The following ZNF226 variants were observed in gnomAD, a reference collection of about 807,000 sequenced individuals.
The protein encoded by ZNF226 is Kruppel-associated box protein.
Under a neutral mutation model 11.4 loss-of-function variants are expected in ZNF226, and 6 were observed. That is an observed-to-expected ratio of 0.53 (90% CI 0.29 to 1.04). The LOEUF (loss-of-function observed/expected upper bound fraction) is 1.04. Ranked by LOEUF, ZNF226 falls within the 50% of genes least tolerant of loss-of-function variation. The probability of loss-of-function intolerance (pLI) is 0.08; values close to 1 mark genes in which losing one functional copy is unlikely to be tolerated. For synonymous variants in ZNF226, 350 were observed against 322.8 expected (o/e 1.08, Z -0.90); for missense variants, 1,058 against 956.5 (o/e 1.11, Z -1.40).
the ZNF226 span, among the ~76,000 whole-genome samples, chr19:44,194,275 G>C: frequency 6.6e-6 from 1 of 152,056 alleles, no homozygotes; most frequent in Admixed American, 6.6e-5. Flanking sequence ...TTCTTATTTT[G>C]TTGTTACTGT....
At chr19:44,170,156 C>T (rs984693291) in intron 3 of ZNF226, 61 bp downstream of exon 3, 7 of 1,564,424 alleles carry the variant, frequency 4.5e-6, no homozygotes, top group East Asian at 2.3e-5. Context: ...AGAGATGGAA[C>T]CAGGTTTTTC....
the ZNF226 span, among the ~76,000 whole-genome samples, chr19:44,192,600 T>C: frequency 6.6e-6 from 1 of 152,152 alleles, no homozygotes; most frequent in Non-Finnish European, 1.5e-5. Context: ...TGCAATGAGA[T>C]ACAGCAAAGT....
Position 44,176,035 on chromosome 19 carries a change from A to G in ZNF226, c.773A>G (p.Lys258Arg), listed in dbSNP as rs1367805767. The change falls in exon 6 of 6, where the codon AAA becomes AGA. Residue 258 changes from lysine to arginine, a missense_variant. Physicochemically the swap from Lys to Arg is conservative, Grantham distance 26. Transcript: ENST00000337433. ...AAATCGTACCAGTGTAATGAGTGTA[A>G]AAAACCCTTCAGTGATCTCTCCAGC... ...GQKSYQCNECKKPFSDLSSFD... is the reference protein window; with the variant it reads ...GQKSYQCNECRKPFSDLSSFD... 5 of 1,614,034 alleles carry G rather than the reference A, an allele frequency of 3.1e-6. No individual in the cohort carries two copies. Among genetic ancestry groups the G allele is most frequent in the Non-Finnish European group, 3.4e-6 (4 of 1,179,936 alleles).
chr19:44,177,665 T>C lies in ZNF226; in HGVS notation c.2403T>C (p.Ser801=), dbSNP rs377604527. ...GAGAATCCACACAGGAAAAAAAATCTATAAAATGATTCTTTGTGAAGACTC... is the reference window on the plus strand; with the variant it reads ...GAGAATCCACACAGGAAAAAAAATCCATAAAATGATTCTTTGTGAAGACTC... The part of the protein sequence containing the change: ...NIRESTQEKK[S]IK Residue 801 remains serine (S), a synonymous_variant, in exon 6 of 6, where the codon TCT becomes TCC. Coordinates refer to ENST00000337433, the MANE Select transcript of ZNF226 (RefSeq NM_001032373.2). The C allele has an allele frequency of 3.8e-6, 6 of 1,578,472 alleles. No homozygotes were observed. The highest frequency in any genetic ancestry group is 5.2e-6 in the Non-Finnish European group (6 of 1,164,278).
intron 2 of ZNF226, among the ~76,000 whole-genome samples, chr19:44,167,182 T>A (rs1010470129): frequency 3.3e-5 from 5 of 152,200 alleles, no homozygotes; most frequent in African/African-American, 1.2e-4. Context: ...TCTTTTGTAC[T>A]GGAGGCCTTC....
chr19:44,180,793 C>T (rs1233078639), downstream of ZNF226, among the ~76,000 whole-genome samples: 1 of 152,026 alleles, frequency 6.6e-6, no homozygotes, highest in Non-Finnish European at 1.5e-5. Flanking sequence ...TAAAAAAGAC[C>T]CCAGGTAGAG....
At chr19:44,173,129 T>C in intron 5 of ZNF226, 177 bp downstream of exon 5, 1 of 602,828 alleles carries the variant, frequency 1.7e-6, no homozygotes, top group East Asian at 2.9e-5. Flanking sequence ...GTTCTTTAAG[T>C]GGCAAAGTGA....
chr19:44,167,313 A>AC (rs1279665474), intron 2 of ZNF226, among the ~76,000 whole-genome samples: 1 of 112,628 alleles, frequency 8.9e-6, no homozygotes, highest in Non-Finnish European at 1.8e-5. Flanking sequence ...AATTTCTTTA[A>AC]CTTTTTTTTT....
rs541578098 is a variant in ZNF226 at position 44,177,390 on chromosome 19, C to T, written c.2128C>T (p.Gln710Ter). Residue 710 changes from glutamine (Q) to a stop codon, truncating the protein, a stop_gained, in exon 6 of 6, where the codon CAG becomes TAG. Coordinates refer to ENST00000337433, the MANE Select transcript of ZNF226 (RefSeq NM_001032373.2). LOFTEE classifies it low-confidence loss of function (END_TRUNC). ...KCGECGKYFSQASSLQLHQSV... is the reference protein window; with the variant it reads ...KCGECGKYFS ...TGGGGAGTGTGGTAAGTACTTCAGT[C>T]AGGCCTCAAGTCTTCAACTTCATCA... The T allele has an allele frequency of 6.2e-6, 10 of 1,613,784 alleles. No homozygotes were observed. The highest frequency in any genetic ancestry group is 2.2e-5 in the East Asian group (1 of 44,852).
At chr19:44,170,950 A>G (rs1970025960) in intron 3 of ZNF226, among the ~76,000 whole-genome samples, 1 of 151,524 alleles carries the variant, frequency 6.6e-6, no homozygotes, top group Admixed American at 6.6e-5. Context: ...AAAAAATCTT[A>G]TTTCCATAAT....
chr19:44,196,194 C>G, the ZNF226 span, among the ~76,000 whole-genome samples: 948 of 152,316 alleles, frequency 6.2e-3, 6 homozygotes, highest in Admixed American at 0.013. Context: ...TATAAAATTA[C>G]TTGCGGCCTA....
the ZNF226 span, among the ~76,000 whole-genome samples, chr19:44,184,276 T>C: frequency 6.6e-6 from 1 of 152,160 alleles, no homozygotes; most frequent in African/African-American, 2.4e-5. Flanking sequence ...GAGCTGGCCA[T>C]GTTCATTAGA....
chr19:44,172,628 A>T (rs545086907), intron 4 of ZNF226: 5 of 518,646 alleles, frequency 9.6e-6, no homozygotes, highest in Admixed American at 7.3e-5. Flanking sequence ...GATTTAAGGA[A>T]AACAGACATT....
At chr19:44,172,252 T>C in intron 4 of ZNF226, 38 bp downstream of exon 4, 1 of 1,592,282 alleles carries the variant, frequency 6.3e-7, no homozygotes, top group East Asian at 2.3e-5. Context: ...TTTGTGCCCT[T>C]GGAGTTTTAA....
Position 44,175,938 on chromosome 19 carries a change from C to G in ZNF226, c.676C>G (p.Pro226Ala). The change falls in exon 6 of 6, where the codon CCC (proline) becomes GCC (alanine). Residue 226 changes from proline (P) to alanine (A), a missense_variant. Coordinates refer to ENST00000337433, the MANE Select transcript of ZNF226 (RefSeq NM_001032373.2). ...RVHKSEKSYRPNDYEKDNMKI... is the reference protein window; with the variant it reads ...RVHKSEKSYRANDYEKDNMKI... ...ACACAAAAGTGAAAAATCTTATAGA[C>G]CCAATGATTATGAAAAAGACAACAT... The G allele has an allele frequency of 6.2e-7, 1 of 1,613,678 alleles. No homozygotes were observed. Among genetic ancestry groups the G allele is most frequent in the Non-Finnish European group, 8.5e-7 (1 of 1,179,826 alleles).
chr19:44,165,111 C>G lies in ZNF226; in HGVS notation c.-129C>G, dbSNP rs773175732. 1 of 152,256 alleles carries G rather than the reference C, an allele frequency of 6.6e-6. No individual in the cohort carries two copies. The highest frequency in any genetic ancestry group is 6.5e-5 in the Admixed American group (1 of 15,280). The allele number at this position is 152,256 out of a possible 1,614,324, so 9.4% of individuals were successfully genotyped here. Reference sequence around the variant, plus strand: ...ACTTCCGCCCAGGAAGACGACGTAGCAGCCATCTTTTCCCTGGCTTTGGTG... The same window carrying G: ...ACTTCCGCCCAGGAAGACGACGTAGGAGCCATCTTTTCCCTGGCTTTGGTG... On this transcript the variant is annotated 5_prime_UTR_variant, in exon 1 of 6. Coordinates refer to ENST00000337433, the MANE Select transcript of ZNF226 (RefSeq NM_001032373.2).
the ZNF226 span, among the ~76,000 whole-genome samples, chr19:44,196,817 T>G: frequency 6.6e-6 from 1 of 152,192 alleles, no homozygotes; most frequent in Non-Finnish European, 1.5e-5. Flanking sequence ...GCCTCAATTC[T>G]CAGAAGTCCT....
chr19:44,170,022 T>C lies in ZNF226; in HGVS notation c.-46-13T>C. 6.4e-7 allele frequency: 1 copy of C among 1,559,094 alleles called. No homozygotes were observed. The highest frequency in any genetic ancestry group is 8.7e-7 in the Non-Finnish European group (1 of 1,148,380). ...CTTACCCAGTTTTGATTTATTTCTC[T>C]CTTCTTTCCTAGTTCAGCTTCTTAG... is the stretch of plus-strand genomic sequence containing the variant. On this transcript the variant is annotated splice_polypyrimidine_tract_variant and intron_variant, in intron 2 of 5. Transcript: ENST00000337433.
chr19:44,167,235 A>G (rs1969485829), intron 2 of ZNF226, among the ~76,000 whole-genome samples: 1 of 151,714 alleles, frequency 6.6e-6, no homozygotes, highest in Admixed American at 6.6e-5. Flanking sequence ...TTGTTAATTA[A>G]CGTTAGATAT....
Sources: gnomAD v4.1 joint callset for allele counts (sites outside exome capture counted in the v4.1 genomes callset) on GRCh38, gnomAD v4.1.1 for gene constraint, MANE v1.5 for transcripts, NCBI Gene and HGNC (gene_info 2026-07-23, HGNC 2026-07-21) for gene names.